BCL11A: variants seen among roughly 807,000 people sequenced by gnomAD.
BCL11A encodes B cell CLL/lymphoma 11A.
In BCL11A, 2 loss-of-function variants were observed where a neutral mutation model predicts 55.9. That is an observed-to-expected ratio of 0.04 (90% CI 0.01 to 0.11). The LOEUF (loss-of-function observed/expected upper bound fraction) is 0.11. Among genes scored for constraint, BCL11A ranks in the 10% least tolerant of loss-of-function variants. The probability of loss-of-function intolerance (pLI) is 1.00; values close to 1 mark genes in which losing one functional copy is unlikely to be tolerated. For synonymous variants in BCL11A, 465 were observed against 473.4 expected (o/e 0.98, Z 0.23); for missense variants, 817 against 1,137.1 (o/e 0.72, Z 4.05).
At chr2:60,531,226 GC>G (rs1335758069) in intron 2 of BCL11A, among the ~76,000 whole-genome samples, 1 of 150,994 alleles carries the variant, frequency 6.6e-6, no homozygotes, top group African/African-American at 2.4e-5. Context: ...CCTCTGTGTT[GC>G]CCGACGGTCC....
chr2:60,537,752 T>C (rs1669734681), intron 2 of BCL11A: 1 of 152,242 alleles, frequency 6.6e-6, no homozygotes. Flanking sequence ...CCCTGATGCT[T>C]AGCAAAAAGC....
At chr2:60,465,464 G>A (rs1056639400) in intron 3 of BCL11A, among the ~76,000 whole-genome samples, 18 of 152,198 alleles carry the variant, frequency 1.2e-4, no homozygotes, top group African/African-American at 4.1e-4. Context: ...ACATCAAAAG[G>A]GTTAAAATCA....
chr2:60,460,210 A>T lies in BCL11A; in HGVS notation c.*194T>A. The T allele has an allele frequency of 1.5e-6, 2 of 1,307,860 alleles. No homozygotes were observed. Among genetic ancestry groups the T allele is most frequent in the Non-Finnish European group, 1.9e-6 (2 of 1,032,614 alleles). The allele number at this position is 1,307,860 out of a possible 1,614,324, so 81.0% of individuals were successfully genotyped here. A position where few individuals can be genotyped will look rare whatever the true frequency, so the allele number is the denominator to read the frequency against. On this transcript the variant is annotated 3_prime_UTR_variant, in exon 4 of 4. Transcript: ENST00000642384. ...AAAAAGAAAAAAGAAAAAGAAAAAG[A>T]AAAAAAACAGGTGTGCTGGTGACAA...
Position 60,550,943 on chromosome 2 carries a change from G to C in BCL11A, c.55+2273C>G, listed in dbSNP as rs921071409. 3 of 398,042 alleles carry C rather than the reference G, an allele frequency of 7.5e-6. No individual in the cohort carries two copies. The South Asian group carries it at 3.8e-4, about 51-fold the overall frequency. The allele number at this position is 398,042 out of a possible 1,614,324, so 24.7% of individuals were successfully genotyped here. A position where few individuals can be genotyped will look rare whatever the true frequency, so the allele number is the denominator to read the frequency against. ...CGGCGCGGCCGGGGGAGTTGGGGGCGGGGGAGAGCGGCGAGGGAGGGATGC... is the reference window on the plus strand; with the variant it reads ...CGGCGCGGCCGGGGGAGTTGGGGGCCGGGGAGAGCGGCGAGGGAGGGATGC... On this transcript the variant is annotated intron_variant, in intron 1 of 3. Coordinates refer to ENST00000642384, the MANE Select transcript of BCL11A (RefSeq NM_022893.4).
At chr2:60,489,214 C>G (rs1223331085) in intron 2 of BCL11A, among the ~76,000 whole-genome samples, 9 of 152,252 alleles carry the variant, frequency 5.9e-5, no homozygotes, top group Non-Finnish European at 2.9e-5. Context: ...TAAATTCACA[C>G]TGTGAGAGCC....
chr2:60,511,840 G>A (rs1324765135), intron 2 of BCL11A, among the ~76,000 whole-genome samples: 1 of 152,206 alleles, frequency 6.6e-6, no homozygotes, highest in Admixed American at 6.5e-5. Context: ...TTCTATGAAG[G>A]CAAGGGTTGG....
At chr2:60,486,011 G>A (rs981252594) in intron 2 of BCL11A, among the ~76,000 whole-genome samples, 7 of 150,406 alleles carry the variant, frequency 4.7e-5, no homozygotes, top group East Asian at 1.9e-4. Flanking sequence ...CCCACCACAC[G>A]TACAAAAAAA....
intron 2 of BCL11A, chr2:60,542,363 T>C (rs1669959394): frequency 6.6e-6 from 1 of 152,660 alleles, no homozygotes. Context: ...AACAGCAGTT[T>C]CACATTCAGT....
At chr2:60,456,671 T>A (rs1675950138), downstream of BCL11A, among the ~76,000 whole-genome samples, 1 of 152,170 alleles carries the variant, frequency 6.6e-6, no homozygotes, top group African/African-American at 2.4e-5. Context: ...ACCTGATGCC[T>A]TTGTTTCCAG....
At chr2:60,494,838 T>C (rs1678853223) in intron 2 of BCL11A, among the ~76,000 whole-genome samples, 1 of 152,150 alleles carries the variant, frequency 6.6e-6, no homozygotes, top group Non-Finnish European at 1.5e-5. Context: ...TATCAGGCCC[T>C]TTCCCCAATT....
chr2:60,515,417 C>CA (rs1452097165), intron 2 of BCL11A, among the ~76,000 whole-genome samples: 1 of 152,088 alleles, frequency 6.6e-6, no homozygotes, highest in Non-Finnish European at 1.5e-5. Context: ...CAAGAAGGCA[C>CA]AAAAAATAAA....
chr2:60,539,865 G>T (rs867075317), intron 2 of BCL11A, among the ~76,000 whole-genome samples: 1 of 152,130 alleles, frequency 6.6e-6, no homozygotes, highest in Non-Finnish European at 1.5e-5. Flanking sequence ...TAAATTTACT[G>T]ATATTGGCCA....
At chr2:60,473,007 A>G (rs577825782) in intron 2 of BCL11A, among the ~76,000 whole-genome samples, 179 of 131,120 alleles carry the variant, frequency 1.4e-3, no homozygotes, top group African/African-American at 4.0e-3. Flanking sequence ...GCAAGCATTT[A>G]TGTGTACATA....
At chr2:60,483,895 T>C (rs1678112226) in intron 2 of BCL11A, 2 of 152,180 alleles carry the variant, frequency 1.3e-5, no homozygotes, top group African/African-American at 2.4e-5. Flanking sequence ...TTGGTTGCTT[T>C]TTTTTCCCCC....
rs1395054224 is a variant in BCL11A at position 60,545,956 on chromosome 2, T to C, written c.385+15A>G. ...GAAAACATGCAAACAGCTTTTCTCCTTGCTTCTCATTTACCTGCTATGTGT... is the reference window on the plus strand; with the variant it reads ...GAAAACATGCAAACAGCTTTTCTCCCTGCTTCTCATTTACCTGCTATGTGT... On this transcript the variant is annotated intron_variant, in intron 2 of 3. Coordinates refer to ENST00000642384, the MANE Select transcript of BCL11A (RefSeq NM_022893.4). The C allele has an allele frequency of 1.2e-6, 2 of 1,605,512 alleles. No homozygotes were observed. The highest frequency in any genetic ancestry group is 2.2e-5 in the East Asian group (1 of 44,786).
At chr2:60,454,872 A>T (rs995464177), downstream of BCL11A, among the ~76,000 whole-genome samples, 1 of 152,246 alleles carries the variant, frequency 6.6e-6, no homozygotes, top group Non-Finnish European at 1.5e-5. Context: ...TACTTATTGC[A>T]TATACAAAAA....
intron 2 of BCL11A, chr2:60,542,106 G>A (rs1558511414): frequency 4.6e-6 from 2 of 438,518 alleles, no homozygotes; most frequent in East Asian, 7.3e-5. Context: ...CAGCTATACT[G>A]TCTAGGCAAA....
chr2:60,522,023 C>G (rs1221535943), intron 2 of BCL11A: 1 of 152,288 alleles, frequency 6.6e-6, no homozygotes, highest in Non-Finnish European at 1.5e-5. Flanking sequence ...ACACTTGTCC[C>G]CTTGCTACCT....
chr2:60,498,187 T>C (rs963059328), intron 2 of BCL11A, among the ~76,000 whole-genome samples: 6 of 151,246 alleles, frequency 4.0e-5, no homozygotes, highest in African/African-American at 1.5e-4. Flanking sequence ...TGTAGACGGG[T>C]GTGTGGCTCC....
Sources: gnomAD v4.1 joint callset for allele counts (sites outside exome capture counted in the v4.1 genomes callset) on GRCh38, gnomAD v4.1.1 for gene constraint, MANE v1.5 for transcripts, NCBI Gene and HGNC (gene_info 2026-07-23, HGNC 2026-07-21) for gene names.